PDGFC: variants seen among roughly 807,000 people sequenced by gnomAD.
The protein encoded by PDGFC is platelet-derived growth factor C.
A neutral mutation model predicts 35.5 loss-of-function variants in PDGFC; 12 were observed. The ratio of observed to expected loss-of-function variants is 0.34; its 90% CI spans 0.22 to 0.55. The LOEUF is 0.55. Ranked by LOEUF, PDGFC falls within the 20% of genes least tolerant of loss-of-function variation. PDGFC has a pLI of 0.91. For missense variants in PDGFC, 322 were observed against 412.4 expected (o/e 0.78, Z 1.90); for synonymous variants, 159 against 148.8 (o/e 1.07, Z -0.50).
chr4:156,790,266 T>C (rs1380367254), intron 3 of PDGFC, among the ~76,000 whole-genome samples: 1 of 152,126 alleles, frequency 6.6e-6, no homozygotes, highest in Non-Finnish European at 1.5e-5. Context: ...TTATTAGCAA[T>C]GGTGAAGGTC....
intron 1 of PDGFC, among the ~76,000 whole-genome samples, chr4:156,935,336 T>C (rs1315794298): frequency 6.6e-6 from 1 of 152,214 alleles, no homozygotes; most frequent in Non-Finnish European, 1.5e-5. Context: ...GAATATACTC[T>C]AAAATAATAA....
At chr4:156,833,898 G>A (rs1214055083) in intron 2 of PDGFC, among the ~76,000 whole-genome samples, 1 of 152,192 alleles carries the variant, frequency 6.6e-6, no homozygotes, top group Non-Finnish European at 1.5e-5. Flanking sequence ...TTGGCAAATA[G>A]TAGGAATCAA....
chr4:156,801,022 AG>A (rs1279988200), intron 3 of PDGFC, among the ~76,000 whole-genome samples: 2 of 152,192 alleles, frequency 1.3e-5, no homozygotes, highest in African/African-American at 4.8e-5. Context: ...ATTATTCCCA[AG>A]GTCAAAATAT....
intron 1 of PDGFC, among the ~76,000 whole-genome samples, chr4:156,854,401 C>T (rs1003902607): frequency 4.0e-5 from 6 of 151,894 alleles, no homozygotes; most frequent in Non-Finnish European, 7.4e-5. Context: ...CTTTATAATT[C>T]ACTATTAAAT....
At chr4:156,887,519 G>A (rs932458300) in intron 1 of PDGFC, among the ~76,000 whole-genome samples, 3 of 152,042 alleles carry the variant, frequency 2.0e-5, no homozygotes, top group South Asian at 2.1e-4. Flanking sequence ...AAAAGTAATC[G>A]TATCATTCCA....
chr4:156,905,368 T>C (rs2218341), intron 1 of PDGFC, among the ~76,000 whole-genome samples: 257 of 152,206 alleles, frequency 1.7e-3, no homozygotes, highest in African/African-American at 5.8e-3. Context: ...ATAGTGACCA[T>C]AATATCACTT....
chr4:156,778,568 T>G (rs1166415245), intron 3 of PDGFC, among the ~76,000 whole-genome samples: 1 of 152,192 alleles, frequency 6.6e-6, no homozygotes, highest in Non-Finnish European at 1.5e-5. Flanking sequence ...TTTTCTGCAC[T>G]TGTTAACATC....
chr4:156,857,681 G>A (rs936911613), intron 1 of PDGFC, among the ~76,000 whole-genome samples: 1 of 152,058 alleles, frequency 6.6e-6, no homozygotes, highest in Non-Finnish European at 1.5e-5. Flanking sequence ...CTGAATAAAG[G>A]TCGAACTGAC....
chr4:156,801,032 A>C (rs1731590349), intron 3 of PDGFC, among the ~76,000 whole-genome samples: 1 of 152,232 alleles, frequency 6.6e-6, no homozygotes, highest in Admixed American at 6.5e-5. Context: ...AGGTCAAAAT[A>C]TTTGCAACTT....
In PDGFC at chr4:156,971,094, C is replaced by T; in HGVS notation, c.-191G>A. On this transcript the variant is annotated 5_prime_UTR_variant, in exon 1 of 6. Transcript: ENST00000502773. ...TTTTTCCTAGAGCCCTCTTCTGTGTCTCCAGTTTTTGAAAAGGATCAAAGC... is the reference window on the plus strand; with the variant it reads ...TTTTTCCTAGAGCCCTCTTCTGTGTTTCCAGTTTTTGAAAAGGATCAAAGC... 1.8e-6 allele frequency: 1 copy of T among 556,058 alleles called. No homozygotes were observed. The highest frequency in any genetic ancestry group is 3.2e-6 in the Non-Finnish European group (1 of 311,068). The allele number at this position is 556,058 out of a possible 1,614,324, so 34.4% of individuals were successfully genotyped here.
chr4:156,949,948 T>C (rs1246655865), intron 1 of PDGFC, among the ~76,000 whole-genome samples: 1 of 151,812 alleles, frequency 6.6e-6, no homozygotes, highest in Non-Finnish European at 1.5e-5. Context: ...GAAATAAAAA[T>C]AGCTTCACTC....
intron 1 of PDGFC, among the ~76,000 whole-genome samples, chr4:156,914,006 T>C (rs1731101879): frequency 2.0e-5 from 3 of 152,322 alleles, no homozygotes; most frequent in Admixed American, 6.5e-5. Context: ...ACAAAAATTA[T>C]GGTAGGTTAT....
chr4:156,829,270 A>G (rs2111015303), intron 2 of PDGFC, among the ~76,000 whole-genome samples: 1 of 152,350 alleles, frequency 6.6e-6, no homozygotes, highest in African/African-American at 2.4e-5. Flanking sequence ...GAAGAAAGAC[A>G]GACTGCCATT....
At chr4:156,822,695 AG>A (rs1732302544) in intron 2 of PDGFC, among the ~76,000 whole-genome samples, 1 of 152,206 alleles carries the variant, frequency 6.6e-6, no homozygotes, top group Non-Finnish European at 1.5e-5. Flanking sequence ...AAACTCATAT[AG>A]GTAAGGGTAA....
At chr4:156,861,418 G>T in intron 1 of PDGFC, 1 of 1,132,698 alleles carries the variant, frequency 8.8e-7, no homozygotes, top group Non-Finnish European at 1.2e-6. Flanking sequence ...AAAAATATAC[G>T]TTTTGCTTAC....
intron 1 of PDGFC, chr4:156,967,799 G>A (rs1450703499): frequency 6.6e-6 from 1 of 152,148 alleles, no homozygotes; most frequent in Non-Finnish European, 1.5e-5. Flanking sequence ...CATACAACAA[G>A]TATACAGGCC....
chr4:156,789,978 A>G (rs1731247853), intron 3 of PDGFC, among the ~76,000 whole-genome samples: 1 of 142,650 alleles, frequency 7.0e-6, no homozygotes, highest in Admixed American at 6.8e-5. Flanking sequence ...CTCCATCTCA[A>G]AAAAAAAAAA....
At chr4:156,788,746 G>A (rs781542244) in intron 3 of PDGFC, among the ~76,000 whole-genome samples, 8 of 152,082 alleles carry the variant, frequency 5.3e-5, no homozygotes, top group African/African-American at 1.7e-4. Flanking sequence ...ATACAATGCC[G>A]TTTTTAAAAC....
intron 1 of PDGFC, among the ~76,000 whole-genome samples, chr4:156,874,290 A>T (rs964194107): frequency 6.6e-6 from 1 of 152,176 alleles, no homozygotes; most frequent in Non-Finnish European, 1.5e-5. Context: ...ACACCATAAA[A>T]TTACCTTTTT....
Sources: gnomAD v4.1 joint callset for allele counts (sites outside exome capture counted in the v4.1 genomes callset) on GRCh38, gnomAD v4.1.1 for gene constraint, MANE v1.5 for transcripts, NCBI Gene and HGNC (gene_info 2026-07-23, HGNC 2026-07-21) for gene names.